The following ZNF665 variants were observed in gnomAD, a reference collection of about 807,000 sequenced individuals.
ZNF665 encodes zinc finger protein 665.
In ZNF665, 6 loss-of-function variants were observed where a neutral mutation model predicts 7.9. The observed-to-expected ratio is 0.76, with a 90% CI of 0.42 to 1.50. ZNF665 has a LOEUF of 1.50. ZNF665 is among the 40% of genes most tolerant of loss of function. ZNF665 has a pLI of 0.01. For missense variants in ZNF665, 819 were observed against 806.7 expected, an observed-to-expected ratio of 1.02 and a Z score of -0.18; for synonymous variants, 242 against 274.5, an observed-to-expected ratio of 0.88 and a Z score of 1.17.
chr19:53,180,011 A>G (rs1447251299), intron 2 of ZNF665: 3 of 152,238 alleles, frequency 2.0e-5, no homozygotes, highest in African/African-American at 7.2e-5. Flanking sequence ...GTAAATTAAC[A>G]TGAGGTCACC....
At chr19:53,180,407 T>C (rs1054840412) in intron 2 of ZNF665, among the ~76,000 whole-genome samples, 1 of 150,598 alleles carries the variant, frequency 6.6e-6, no homozygotes, top group Non-Finnish European at 1.5e-5. Context: ...CACTCCAGCC[T>C]GGGCAAAAGA....
chr19:53,177,505 C>G (rs182853864), intron 2 of ZNF665, among the ~76,000 whole-genome samples: 1 of 151,890 alleles, frequency 6.6e-6, no homozygotes, highest in East Asian at 1.9e-4. Context: ...CAAGATTGTG[C>G]CACTGCACTC....
intron 3 of ZNF665, among the ~76,000 whole-genome samples, chr19:53,171,203 C>T (rs2090654419): frequency 6.6e-6 from 1 of 151,928 alleles, no homozygotes; most frequent in South Asian, 2.1e-4. Context: ...CCAGGCTGGT[C>T]TCGAACTCCT....
chr19:53,191,757 T>G (rs2090818475), intron 1 of ZNF665: 1 of 152,170 alleles, frequency 6.6e-6, no homozygotes. Context: ...GGCAAGAGAA[T>G]CGCTTGAACC....
intron 3 of ZNF665, among the ~76,000 whole-genome samples, chr19:53,169,602 T>C (rs1273642506): frequency 2.0e-5 from 3 of 152,154 alleles, no homozygotes; most frequent in South Asian, 2.1e-4. Flanking sequence ...TACATATGTA[T>C]ACATGTGCCA....
In ZNF665 at chr19:53,164,884, G is replaced by C; in HGVS notation, c.1606C>G (p.His536Asp). 1.2e-6 allele frequency: 2 copies of C among 1,614,152 alleles called. No homozygotes were observed. Among genetic ancestry groups the C allele is most frequent in the South Asian group, 2.2e-5 (2 of 91,078 alleles). The change falls in exon 4 of 4, where the codon CAT becomes GAT. Residue 536 changes from histidine to aspartate, a missense_variant. His to Asp is a moderately conservative substitution (Grantham distance 81). Coordinates refer to ENST00000396424, the MANE Select transcript of ZNF665 (RefSeq NM_024733.5). ...CATTTGTATGGTTTTTGTCCAGTAT[G>C]TATTGTCTGATGTATAGTTAGGCTT... ...HSSLTIHQTI[H>D]TGQKPYKCND...
At chr19:53,166,601 C>T (rs2090617688) in intron 3 of ZNF665, among the ~76,000 whole-genome samples, 2 of 152,096 alleles carry the variant, frequency 1.3e-5, no homozygotes, top group African/African-American at 4.8e-5. Context: ...TTGTGCAAAC[C>T]CATATTAGCC....
chr19:53,172,521 T>C (rs1333016733), intron 3 of ZNF665, among the ~76,000 whole-genome samples: 2 of 152,192 alleles, frequency 1.3e-5, no homozygotes. Flanking sequence ...TGATGTTGGC[T>C]GTTTGTCTGC....
chr19:53,191,845 G>GA (rs907267245), intron 1 of ZNF665: 4 of 149,852 alleles, frequency 2.7e-5, no homozygotes, highest in Admixed American at 6.6e-5. Context: ...TCTGTCTTAA[G>GA]AAAAAAAAAA....
chr19:53,185,380 C>G (rs1446152833), intron 1 of ZNF665, among the ~76,000 whole-genome samples: 2 of 152,108 alleles, frequency 1.3e-5, no homozygotes, highest in South Asian at 2.1e-4. Flanking sequence ...CTGGTCACTT[C>G]TCACTGTGTC....
intron 1 of ZNF665, among the ~76,000 whole-genome samples, chr19:53,184,926 G>A (rs111704432): frequency 0.014 from 2,106 of 152,238 alleles, 52 homozygotes; most frequent in African/African-American, 0.048. Context: ...GAGGCAGAGA[G>A]AGAGAGGAGA....
In ZNF665 at chr19:53,165,403, T is replaced by C. The variant is rs757815755; in HGVS notation, c.1087A>G (p.Lys363Glu). 2 of 1,614,142 alleles carry C rather than the reference T, an allele frequency of 1.2e-6. No individual in the cohort carries two copies. The highest frequency in any genetic ancestry group is 2.2e-5 in the East Asian group (1 of 44,876). ...TCACCAGTATGAATTCGCCGATGCT[T>C]TGCAAGGTATGAATTGTGCCTGAAG... ...KVFRHNSYLAKHRRIHTGEKP... is the reference protein window; with the variant it reads ...KVFRHNSYLAEHRRIHTGEKP... Residue 363 changes from lysine (K) to glutamate (E), a missense_variant, in exon 4 of 4, where the codon AAG becomes GAG. Transcript: ENST00000396424.
rs1176432030 is a variant in ZNF665 at position 53,163,051 on chromosome 19, G to A, written c.*1402C>T. The stretch of plus-strand genomic sequence containing the variant: ...AGAGAATTTCTTTCTTTCTTTTTTT[G>A]AGTCAGAGTTTCGCTCTTATTGCCC... On this transcript the variant is annotated 3_prime_UTR_variant, in exon 4 of 4. Transcript: ENST00000396424. 2.0e-5 allele frequency: 3 copies of A among 151,830 alleles called. No individual in the cohort carries two copies. The highest frequency in any genetic ancestry group is 4.4e-5 in the Non-Finnish European group (3 of 68,098). The allele number at this position is 151,830 out of a possible 1,614,324, so 9.4% of individuals were successfully genotyped here. A position where few individuals can be genotyped will look rare whatever the true frequency, so the allele number is the denominator to read the frequency against.
At chr19:53,184,639 C>T (rs777196890) in intron 1 of ZNF665, among the ~76,000 whole-genome samples, 23 of 152,208 alleles carry the variant, frequency 1.5e-4, no homozygotes, top group Non-Finnish European at 3.1e-4. Context: ...GGGTCCGGCC[C>T]CACAGGATTG....
chr19:53,168,511 T>C (rs1173166737), intron 3 of ZNF665, among the ~76,000 whole-genome samples: 1 of 152,220 alleles, frequency 6.6e-6, no homozygotes, highest in Non-Finnish European at 1.5e-5. Context: ...CTCAATATTG[T>C]TAAAACAGCA....
At chr19:53,167,246 C>T (rs1322600193) in intron 3 of ZNF665, among the ~76,000 whole-genome samples, 1 of 152,074 alleles carries the variant, frequency 6.6e-6, no homozygotes, top group Non-Finnish European at 1.5e-5. Context: ...GGTGATCCCC[C>T]CGCCTCAGCC....
intron 2 of ZNF665, among the ~76,000 whole-genome samples, chr19:53,180,277 A>G (rs1342916415): frequency 1.3e-5 from 2 of 152,184 alleles, no homozygotes; most frequent in Middle Eastern, 3.4e-3. Context: ...TACTAAAAAT[A>G]CAAAAATTAG....
intron 2 of ZNF665, among the ~76,000 whole-genome samples, chr19:53,177,063 G>A (rs2090704221): frequency 6.6e-6 from 1 of 152,184 alleles, no homozygotes; most frequent in Non-Finnish European, 1.5e-5. Flanking sequence ...AGGTTGTGGT[G>A]AGCTGAGATC....
chr19:53,166,326 T>A lies in ZNF665; in HGVS notation c.164A>T (p.Asn55Ile). 1.9e-6 allele frequency: 3 copies of A among 1,586,128 alleles called. No individual in the cohort carries two copies. The highest frequency in any genetic ancestry group is 2.6e-6 in the Non-Finnish European group (3 of 1,168,034). The change falls in exon 4 of 4, where the codon AAC (asparagine) becomes ATC (isoleucine). Residue 55 changes from asparagine (N) to isoleucine (I), a missense_variant. Physicochemically the swap from Asn to Ile is moderately radical, Grantham distance 149 (BLOSUM62 -3). Transcript: ENST00000396424. ...CTTCCCCTTTGGTGGCAAATCCGTG[T>A]TTACACATTTACAAGAGATATCTGT... ...VSLDISCKCVNTDLPPKGKNN... is the reference protein window; with the variant it reads ...VSLDISCKCVITDLPPKGKNN...
Sources: gnomAD v4.1 joint callset for allele counts (sites outside exome capture counted in the v4.1 genomes callset) on GRCh38, gnomAD v4.1.1 for gene constraint, MANE v1.5 for transcripts, NCBI Gene and HGNC (gene_info 2026-07-23, HGNC 2026-07-21) for gene names.